Variants in MECOM observed in about 807,000 individuals in gnomAD.
MECOM encodes the protein MDS1 and EVI1 complex locus, also known as histone-lysine N-methyltransferase MECOM.
MECOM carries 13 observed loss-of-function variants against 116.3 expected under a neutral mutation model. The observed-to-expected ratio is 0.11, with a 90% confidence interval of 0.07 to 0.18. The LOEUF is 0.18. Ranked by LOEUF, MECOM falls within the 10% of genes least tolerant of loss-of-function variation. MECOM has a pLI of 1.00. For missense variants in MECOM, 1,299 were observed against 1,509.0 expected, an observed-to-expected ratio of 0.86 and a Z score of 2.31; for synonymous variants, 528 against 535.2, an observed-to-expected ratio of 0.99 and a Z score of 0.19.
chr3:169,152,832 A>G (rs1049248021), intron 2 of MECOM, among the ~76,000 whole-genome samples: 4 of 152,196 alleles, frequency 2.6e-5, no homozygotes, highest in African/African-American at 9.6e-5. Context: ...AATGCCAAAG[A>G]TTTTAACAGT....
chr3:169,472,594 A>G lies in MECOM; in HGVS notation c.38-91070T>C, dbSNP rs147547597. ...AGAGGAGAGGAGAGGAAAGGAAAGG[A>G]AAGGAAAGGAAAGGAAAGGAAAGAA... is the stretch of plus-strand genomic sequence containing the variant. On this transcript the variant is annotated intron_variant, in intron 1 of 16. Coordinates refer to ENST00000651503, the MANE Select transcript of MECOM (RefSeq NM_004991.4). Among the ~76,000 whole-genome samples, 117 of 62,726 alleles carry G rather than the reference A, an allele frequency of 1.9e-3. 10 individuals carry two copies. The highest frequency in any genetic ancestry group is 7.6e-3 in the African/African-American group (68 of 8,992). 41.2% of individuals were successfully genotyped at this position (62,726 alleles called of 152,430 possible).
intron 2 of MECOM, among the ~76,000 whole-genome samples, chr3:169,223,438 A>G (rs1334160287): frequency 6.6e-6 from 1 of 151,630 alleles, no homozygotes; most frequent in Non-Finnish European, 1.5e-5. Flanking sequence ...TTCTAGCTTC[A>G]TCCATGTCCC....
At chr3:169,387,480 T>G (rs1194088025) in intron 1 of MECOM, among the ~76,000 whole-genome samples, 1 of 152,234 alleles carries the variant, frequency 6.6e-6, no homozygotes, top group Non-Finnish European at 1.5e-5. Flanking sequence ...GTTTCACCAT[T>G]AATGCCCATC....
At chr3:169,358,662 C>G (rs1170394120) in intron 2 of MECOM, among the ~76,000 whole-genome samples, 1 of 151,634 alleles carries the variant, frequency 6.6e-6, no homozygotes, top group African/African-American at 2.4e-5. Context: ...AACTGCTAAG[C>G]TTAAGGGCCT....
chr3:169,444,445 A>T (rs1744263992), intron 1 of MECOM, among the ~76,000 whole-genome samples: 1 of 152,100 alleles, frequency 6.6e-6, no homozygotes, highest in Non-Finnish European at 1.5e-5. Context: ...ATAGTGAATA[A>T]GTCTCATGAG....
chr3:169,469,855 G>A (rs1426703999), intron 1 of MECOM, among the ~76,000 whole-genome samples: 1 of 152,088 alleles, frequency 6.6e-6, no homozygotes, highest in African/African-American at 2.4e-5. Context: ...TGGCTTCCCA[G>A]GTGCCATAAA....
At chr3:169,482,138 G>A (rs907638598) in intron 1 of MECOM, among the ~76,000 whole-genome samples, 1 of 150,750 alleles carries the variant, frequency 6.6e-6, no homozygotes, top group African/African-American at 2.5e-5. Context: ...CCTCCACCAC[G>A]ATCTTATTAG....
chr3:169,624,875 T>TG (rs1771169320), intron 1 of MECOM, among the ~76,000 whole-genome samples: 1 of 152,132 alleles, frequency 6.6e-6, no homozygotes, highest in African/African-American at 2.4e-5. Flanking sequence ...ACTTTACTAA[T>TG]GCGTGTGTAT....
intron 2 of MECOM, among the ~76,000 whole-genome samples, chr3:169,350,955 A>C (rs987925629): frequency 5.9e-5 from 9 of 151,944 alleles, no homozygotes; most frequent in African/African-American, 2.2e-4. Flanking sequence ...ACTAAATGTT[A>C]AAAAGTGTTG....
chr3:169,317,596 T>G (rs1404487879), intron 2 of MECOM, among the ~76,000 whole-genome samples: 1 of 152,188 alleles, frequency 6.6e-6, no homozygotes, highest in Non-Finnish European at 1.5e-5. Flanking sequence ...TTTACTGAAA[T>G]CCAGAAACTC....
chr3:169,619,495 C>G (rs528091589), intron 1 of MECOM, among the ~76,000 whole-genome samples: 18 of 152,210 alleles, frequency 1.2e-4, no homozygotes, highest in Non-Finnish European at 2.1e-4. Context: ...TTTCTCCCCT[C>G]ACTGTCTCTT....
At chr3:169,537,691 C>G (rs958656114) in intron 1 of MECOM, among the ~76,000 whole-genome samples, 1 of 149,188 alleles carries the variant, frequency 6.7e-6, no homozygotes, top group Non-Finnish European at 1.5e-5. Context: ...CTTAGATATA[C>G]TGATATAGTA....
rs140524833 is a variant in MECOM, at chr3:169,207,586, G to C, written c.376-63754C>G. ...TAAACCCTGAAAAAACTACATATAA[G>C]TACATATGTGTATAAATGTGAGAAA... On this transcript the variant is annotated intron_variant, in intron 2 of 16. Coordinates refer to ENST00000651503, the MANE Select transcript of MECOM (RefSeq NM_004991.4). Among the ~76,000 whole-genome samples, 773 of 152,202 alleles carry C rather than the reference G, an allele frequency of 5.1e-3. 5 individuals are homozygous for C. Among genetic ancestry groups the C allele is most frequent in the Middle Eastern group, 0.02 (6 of 294 alleles).
intron 1 of MECOM, among the ~76,000 whole-genome samples, chr3:169,570,232 A>T (rs537419321): frequency 6.6e-6 from 1 of 152,330 alleles, no homozygotes; most frequent in East Asian, 1.9e-4. Context: ...TAAATTAGAA[A>T]ATCTAGAAGA....
chr3:169,143,172 T>C (rs1738652891), intron 3 of MECOM, among the ~76,000 whole-genome samples: 2 of 152,042 alleles, frequency 1.3e-5, no homozygotes, highest in South Asian at 4.1e-4. Context: ...CTTTTTAACA[T>C]ATACCAAAAA....
intron 1 of MECOM, among the ~76,000 whole-genome samples, chr3:169,394,354 T>C (rs1781707): frequency 0.063 from 9,548 of 152,264 alleles, 443 homozygotes; most frequent in Middle Eastern, 0.11. Context: ...TTATGTAATA[T>C]AAGGCTGCAT....
At position 169,116,386 on chromosome 3, in the gene MECOM, G is replaced by C; in HGVS notation, c.1486C>G (p.Pro496Ala). ...GFSFSFPGLF[P>A]SGLYHRPPLI... ...GGAGGCCTGTGGTACAAGCCGGAAG[G>C]AAACAGACCAGGGAAGCTAAAAGAA... Residue 496 changes from proline to alanine, a missense_variant, in exon 8 of 17, where the codon CCT becomes GCT. Coordinates refer to ENST00000651503, the MANE Select transcript of MECOM (RefSeq NM_004991.4). 1.2e-6 allele frequency: 2 copies of C among 1,614,206 alleles called. No individual in the cohort carries two copies. Among genetic ancestry groups the C allele is most frequent in the Non-Finnish European group, 1.7e-6 (2 of 1,180,038 alleles).
chr3:169,113,126 A>G (rs996902153), intron 8 of MECOM, among the ~76,000 whole-genome samples: 4 of 152,130 alleles, frequency 2.6e-5, no homozygotes, highest in Non-Finnish European at 5.9e-5. Flanking sequence ...ACGAGAAAAC[A>G]TGAAAAATAA....
In MECOM at chr3:169,095,152, G is replaced by T; in HGVS notation, c.2943C>A (p.His981Gln). The T allele has an allele frequency of 6.2e-7, 1 of 1,613,614 alleles. No individual in the cohort carries two copies. Among genetic ancestry groups the T allele is most frequent in the African/African-American group, 1.3e-5 (1 of 75,022 alleles). ...IHNKEKPFKC[H>Q]LCDRCFGQQT... Reference sequence around the variant, plus strand: ...GTTGACCAAAACACCTATCACATAAGTGACACTTAAATGGCTTCTCTTTAT... The same window carrying T: ...GTTGACCAAAACACCTATCACATAATTGACACTTAAATGGCTTCTCTTTAT... The change falls in exon 13 of 17, where the codon CAC (histidine) becomes CAA (glutamine). Residue 981 changes from histidine to glutamine, a missense_variant. His to Gln is a conservative substitution (Grantham distance 24). Around this residue, in one of 6 missense-constraint regions of MECOM, gnomAD observed 32 missense variants for 96.7 expected, o/e 0.33. Transcript: ENST00000651503.
Sources: gnomAD v4.1 joint callset for allele counts (sites outside exome capture counted in the v4.1 genomes callset) on GRCh38, gnomAD v4.1.1 for gene constraint, gnomAD v4.1.1 regional missense constraint, MANE v1.5 for transcripts, NCBI Gene and HGNC (gene_info 2026-07-23, HGNC 2026-07-21) for gene names.